GRIK2: variants seen among roughly 807,000 people sequenced by gnomAD.
GRIK2 encodes glutamate ionotropic receptor kainate type subunit 2, also known as glutamate receptor ionotropic, kainate 2.
Under a neutral mutation model 100.3 loss-of-function variants are expected in GRIK2, and 32 were observed. That is an observed-to-expected ratio of 0.32 (90% CI 0.24 to 0.43). The LOEUF is 0.43. Among genes scored for constraint, GRIK2 ranks in the 20% least tolerant of loss-of-function variants. The pLI is 1.00. For missense variants in GRIK2, 843 were observed against 1,114.9 expected (o/e 0.76, Z 3.47); for synonymous variants, 417 against 389.4 (o/e 1.07, Z -0.83).
At chr6:101,623,634 G>A (rs1780284588) in intron 3 of GRIK2, among the ~76,000 whole-genome samples, 1 of 152,124 alleles carries the variant, frequency 6.6e-6, no homozygotes, top group Admixed American at 6.5e-5. Context: ...TCTCACAACA[G>A]AGTACTATCC....
At chr6:101,707,588 G>GTATA (rs1491170927) in intron 7 of GRIK2, among the ~76,000 whole-genome samples, 51 of 132,836 alleles carry the variant, frequency 3.8e-4, no homozygotes, top group African/African-American at 1.6e-3. Flanking sequence ...GTGTGTGTGT[G>GTATA]TGTGTGTATA....
intron 8 of GRIK2, among the ~76,000 whole-genome samples, 189 bp downstream of exon 8, chr6:101,799,980 A>G (rs926361384): frequency 3.8e-4 from 58 of 152,138 alleles, no homozygotes; most frequent in Admixed American, 3.8e-3. Flanking sequence ...GAAACAAAAT[A>G]TCTATCAAAG....
intron 4 of GRIK2, among the ~76,000 whole-genome samples, chr6:101,645,059 G>A (rs1423063762): frequency 6.6e-5 from 10 of 151,350 alleles, no homozygotes; most frequent in African/African-American, 9.7e-5. Context: ...AAACTTGCCT[G>A]TTGTTTAGCC....
At chr6:101,782,978 T>A (rs1779193054) in intron 7 of GRIK2, among the ~76,000 whole-genome samples, 1 of 151,844 alleles carries the variant, frequency 6.6e-6, no homozygotes. Flanking sequence ...TGCCTCAGCT[T>A]CCTGAGTAGG....
chr6:101,880,662 A>AT (rs1786184102), intron 11 of GRIK2, among the ~76,000 whole-genome samples: 1 of 152,012 alleles, frequency 6.6e-6, no homozygotes, highest in African/African-American at 2.4e-5. Context: ...GATATTTAAC[A>AT]TTTTTATAAT....
chr6:101,549,430 A>G lies in GRIK2; in HGVS notation c.116-72519A>G, dbSNP rs1776404783. Reference sequence around the variant, plus strand: ...TAGTTCATGGTGGGCTCATTGGCAGATCTTTCTTTGGCTCTTTTAGTTCAA... The same window carrying G: ...TAGTTCATGGTGGGCTCATTGGCAGGTCTTTCTTTGGCTCTTTTAGTTCAA... On this transcript the variant is annotated intron_variant, in intron 2 of 16. Transcript: ENST00000369134. Among the ~76,000 whole-genome samples the G allele has an allele frequency of 4.6e-5, 7 of 152,046 alleles. No homozygotes were observed. In the South Asian group the frequency reaches 1.5e-3, roughly 32 times the overall value.
chr6:101,612,913 A>G (rs990924590), intron 2 of GRIK2, among the ~76,000 whole-genome samples: 47 of 151,668 alleles, frequency 3.1e-4, no homozygotes, highest in African/African-American at 1.1e-3. Flanking sequence ...GAGGTTGGAA[A>G]GGAAGGTAGA....
intron 4 of GRIK2, among the ~76,000 whole-genome samples, chr6:101,666,905 A>G (rs9485528): frequency 0.81 from 123,104 of 152,164 alleles, 49,900 homozygotes; most frequent in Non-Finnish European, 0.83. Context: ...TAACAGAACC[A>G]ATGAAAAGGG....
chr6:101,896,377 A>C (rs1171807746), intron 12 of GRIK2, among the ~76,000 whole-genome samples: 1 of 151,808 alleles, frequency 6.6e-6, no homozygotes. Context: ...AGACATTTAC[A>C]GGTGTAAAAG....
intron 7 of GRIK2, among the ~76,000 whole-genome samples, chr6:101,759,774 A>G (rs1265805273): frequency 6.6e-6 from 1 of 151,348 alleles, no homozygotes; most frequent in African/African-American, 2.5e-5. Context: ...TCAATAATTG[A>G]CTGTTTTAAA....
At chr6:101,634,793 G>GAAA (rs141368564) in intron 4 of GRIK2, among the ~76,000 whole-genome samples, 203 of 145,182 alleles carry the variant, frequency 1.4e-3, no homozygotes, top group African/African-American at 4.9e-3. Context: ...ACGATCACAG[G>GAAA]AAAAAAAAAA....
At chr6:101,907,833 A>G (rs1483658590) in intron 12 of GRIK2, among the ~76,000 whole-genome samples, 1 of 151,624 alleles carries the variant, frequency 6.6e-6, no homozygotes, top group African/African-American at 2.4e-5. Context: ...GTGTAGCAAT[A>G]TGCTACATTT....
At chr6:101,650,979 ACT>A (rs1781757682) in intron 4 of GRIK2, among the ~76,000 whole-genome samples, 2 of 145,562 alleles carry the variant, frequency 1.4e-5, no homozygotes, top group African/African-American at 5.1e-5. Context: ...GTTAGAATGA[ACT>A]CTTTTTGTAT....
chr6:102,005,139 G>GTA (rs1230477745), intron 14 of GRIK2, among the ~76,000 whole-genome samples: 1 of 150,848 alleles, frequency 6.6e-6, no homozygotes, highest in Non-Finnish European at 1.5e-5. Flanking sequence ...CATATGTGCA[G>GTA]TATATATATT....
At chr6:101,895,600 T>C (rs1175617474) in intron 12 of GRIK2, among the ~76,000 whole-genome samples, 2 of 151,856 alleles carry the variant, frequency 1.3e-5, no homozygotes, top group African/African-American at 4.8e-5. Context: ...GATAACTGTT[T>C]TGGTGGGATG....
intron 2 of GRIK2, among the ~76,000 whole-genome samples, chr6:101,459,076 T>C (rs2518225): frequency 0.97 from 146,776 of 152,040 alleles, 70,884 homozygotes; most frequent in East Asian, 1. Flanking sequence ...CTGTGTTATT[T>C]AGGCGCTAAA....
chr6:101,962,857 T>G (rs1223049), intron 14 of GRIK2, among the ~76,000 whole-genome samples: 1 of 151,814 alleles, frequency 6.6e-6, no homozygotes, highest in African/African-American at 2.4e-5. Context: ...TATTCCTTAT[T>G]TCTGTATAGC....
intron 4 of GRIK2, among the ~76,000 whole-genome samples, chr6:101,636,753 TG>T (rs979460295): frequency 6.6e-6 from 1 of 151,296 alleles, no homozygotes; most frequent in African/African-American, 2.4e-5. Context: ...ATTTGCATTT[TG>T]GGGGGGCGGG....
At chr6:101,847,488 T>G (rs1020931914) in intron 10 of GRIK2, among the ~76,000 whole-genome samples, 1 of 152,178 alleles carries the variant, frequency 6.6e-6, no homozygotes. Context: ...GTCTGTATTT[T>G]TTGTTCTGGG....
Sources: allele counts gnomAD v4.1 joint callset (sites outside exome capture counted in the v4.1 genomes callset), GRCh38; gene constraint gnomAD v4.1.1; transcripts MANE v1.5; gene names NCBI Gene and HGNC (gene_info 2026-07-23, HGNC 2026-07-21).